CADM1: variants seen among roughly 807,000 people sequenced by gnomAD.
CADM1 encodes the protein TSLC-1.
CADM1 carries 15 observed loss-of-function variants against 53.1 expected under a neutral mutation model. That is an observed-to-expected ratio of 0.28 (90% confidence interval 0.19 to 0.44). The LOEUF (loss-of-function observed/expected upper bound fraction) is 0.44, where lower values mean the gene tolerates loss of function less well. CADM1 is among the 20% of genes least tolerant of loss of function. The pLI is 1.00. For synonymous variants in CADM1, 281 were observed against 243.0 expected (o/e 1.16, Z -1.45); for missense variants, 434 against 611.3 (o/e 0.71, Z 3.06).
chr11:115,337,562 T>A (rs1565372866), intron 1 of CADM1, among the ~76,000 whole-genome samples: 2 of 152,138 alleles, frequency 1.3e-5, no homozygotes, highest in Admixed American at 6.6e-5. Flanking sequence ...GTTTCCTTAC[T>A]CTAACCTCCC....
intron 1 of CADM1, among the ~76,000 whole-genome samples, chr11:115,263,962 GAC>G (rs1334410414): frequency 6.6e-6 from 1 of 152,144 alleles, no homozygotes; most frequent in Non-Finnish European, 1.5e-5. Context: ...ATTCCAGTGT[GAC>G]AGTTTACATT....
intron 1 of CADM1, among the ~76,000 whole-genome samples, chr11:115,353,515 G>A (rs1945789147): frequency 6.6e-6 from 1 of 152,192 alleles, no homozygotes; most frequent in Non-Finnish European, 1.5e-5. Context: ...TTAATGGAAT[G>A]CAAGACTGTT....
At chr11:115,503,342 TGG>T in intron 1 of CADM1, among the ~76,000 whole-genome samples, 1 of 152,186 alleles carries the variant, frequency 6.6e-6, no homozygotes, top group Non-Finnish European at 1.5e-5. Context: ...GAGCCGCCCC[TGG>T]GCAAATTCCC....
intron 10 of CADM1, among the ~76,000 whole-genome samples, chr11:115,187,193 T>C (rs983461041): frequency 1.3e-5 from 2 of 152,198 alleles, no homozygotes; most frequent in African/African-American, 4.8e-5. Context: ...GTTATTACTC[T>C]ACCAAGGGAA....
chr11:115,456,618 G>A (rs138053113), intron 1 of CADM1, among the ~76,000 whole-genome samples: 1 of 152,128 alleles, frequency 6.6e-6, no homozygotes, highest in African/African-American at 2.4e-5. Context: ...AGTAGAAAGA[G>A]CACTGGATAG....
At chr11:115,484,284 C>T (rs1949321338) in intron 1 of CADM1, among the ~76,000 whole-genome samples, 1 of 152,204 alleles carries the variant, frequency 6.6e-6, no homozygotes, top group Admixed American at 6.5e-5. Context: ...AAACATTAAT[C>T]TACCTAAAGA....
At chr11:115,315,642 T>C (rs901402606) in intron 1 of CADM1, among the ~76,000 whole-genome samples, 1 of 150,164 alleles carries the variant, frequency 6.7e-6, no homozygotes, top group East Asian at 2.0e-4. Flanking sequence ...GGAAATTCAA[T>C]TAAACACACA....
intron 1 of CADM1, among the ~76,000 whole-genome samples, chr11:115,259,324 G>C (rs1275175876): frequency 1.5e-4 from 3 of 20,182 alleles, no homozygotes; most frequent in Admixed American, 7.6e-4. Flanking sequence ...TTTTTTTTTT[G>C]AGACAGAGTC....
intron 1 of CADM1, among the ~76,000 whole-genome samples, chr11:115,334,394 G>A (rs2135226367): frequency 1.3e-5 from 2 of 152,056 alleles, no homozygotes; most frequent in Middle Eastern, 6.8e-3. Flanking sequence ...CCCCTTATCT[G>A]TAGTTTTACT....
chr11:115,386,547 C>G (rs966817066), intron 1 of CADM1, among the ~76,000 whole-genome samples: 2 of 152,126 alleles, frequency 1.3e-5, no homozygotes, highest in African/African-American at 4.8e-5. Context: ...CTGCAGAGTC[C>G]CAGGACGGCT....
intron 1 of CADM1, among the ~76,000 whole-genome samples, chr11:115,306,017 T>C (rs1944358993): frequency 6.8e-6 from 1 of 146,980 alleles, no homozygotes; most frequent in East Asian, 2.0e-4. Flanking sequence ...CTTTCAGCAA[T>C]AAGCATTACT....
intron 1 of CADM1, among the ~76,000 whole-genome samples, chr11:115,404,339 AAAAAAAAATAT>A (rs1233285788): frequency 4.3e-5 from 2 of 46,458 alleles, no homozygotes; most frequent in African/African-American, 1.4e-4. Context: ...AAAAAAAAAA[AAAAAAAAATAT>A]ATATATATAT....
At chr11:115,237,942 T>C (rs1056289340) in intron 3 of CADM1, among the ~76,000 whole-genome samples, 2 of 152,236 alleles carry the variant, frequency 1.3e-5, no homozygotes, top group African/African-American at 4.8e-5. Context: ...CTTAACTCTT[T>C]TATGTCCAAT....
intron 1 of CADM1, among the ~76,000 whole-genome samples, chr11:115,326,449 C>T (rs919717087): frequency 1.3e-5 from 2 of 152,096 alleles, no homozygotes; most frequent in Non-Finnish European, 2.9e-5. Flanking sequence ...AGTACAATGT[C>T]CTTCTTGTTA....
intron 1 of CADM1, among the ~76,000 whole-genome samples, chr11:115,311,555 A>C (rs1944532815): frequency 6.6e-6 from 1 of 152,106 alleles, no homozygotes; most frequent in Admixed American, 6.6e-5. Flanking sequence ...GATTGAAAAA[A>C]ATCCAGGTAT....
At chr11:115,418,330 C>T (rs988692697) in intron 1 of CADM1, among the ~76,000 whole-genome samples, 13 of 152,158 alleles carry the variant, frequency 8.5e-5, no homozygotes, top group Admixed American at 6.5e-5. Flanking sequence ...AACGGCCAGT[C>T]TACTAGTCTA....
intron 1 of CADM1, among the ~76,000 whole-genome samples, chr11:115,283,978 A>G (rs1185853853): frequency 6.6e-6 from 1 of 152,116 alleles, no homozygotes; most frequent in Non-Finnish European, 1.5e-5. Context: ...GCTTTAAGGG[A>G]TCGGGTCCTA....
chr11:115,235,316 A>G lies in CADM1; in HGVS notation c.424+3184T>C, dbSNP rs182075833. Among the ~76,000 whole-genome samples, 8 of 152,308 alleles carry G rather than the reference A, an allele frequency of 5.3e-5. No individual in the cohort carries two copies. The East Asian group carries it at 1.5e-3, about 29-fold the overall frequency. On this transcript the variant is annotated intron_variant, in intron 3 of 11. Transcript: ENST00000331581. ...ATCCTGTTTTTCCTTTAGCTTCACAATGTCTACTCTAATACAAAAGGTTAG... is the reference window on the plus strand; with the variant it reads ...ATCCTGTTTTTCCTTTAGCTTCACAGTGTCTACTCTAATACAAAAGGTTAG...
intron 1 of CADM1, among the ~76,000 whole-genome samples, chr11:115,267,396 G>T (rs948287508): frequency 6.6e-6 from 1 of 152,154 alleles, no homozygotes; most frequent in African/African-American, 2.4e-5. Flanking sequence ...TTTAGCAGCC[G>T]TATTCTCAGA....
Sources: gnomAD v4.1 joint callset for allele counts (sites outside exome capture counted in the v4.1 genomes callset) on GRCh38, gnomAD v4.1.1 for gene constraint, MANE v1.5 for transcripts, NCBI Gene and HGNC (gene_info 2026-07-23, HGNC 2026-07-21) for gene names.